SOX5: variants seen among roughly 807,000 people sequenced by gnomAD.
SOX5 encodes the protein transcription factor SOX-5.
SOX5 carries 9 observed loss-of-function variants against 92.0 expected under a neutral mutation model. The observed-to-expected ratio is 0.10, with a 90% CI of 0.06 to 0.17. The LOEUF (loss-of-function observed/expected upper bound fraction) is 0.17. Ranked by LOEUF, SOX5 falls within the 10% of genes least tolerant of loss-of-function variation. The pLI, the probability that SOX5 is intolerant of heterozygous loss-of-function variation, is 1.00. For synonymous variants in SOX5, 344 were observed against 336.3 expected (o/e 1.02, Z -0.25); for missense variants, 642 against 944.5 (o/e 0.68, Z 4.20).
chr12:24,192,854 T>C (rs1219261909), intron 4 of SOX5, among the ~76,000 whole-genome samples: 4 of 152,200 alleles, frequency 2.6e-5, no homozygotes, highest in Non-Finnish European at 5.9e-5. Context: ...GCAGGTATGT[T>C]TGAACCAGAG....
At chr12:24,204,515 G>A (rs1594236742) in intron 4 of SOX5, among the ~76,000 whole-genome samples, 1 of 151,974 alleles carries the variant, frequency 6.6e-6, no homozygotes, top group Non-Finnish European at 1.5e-5. Flanking sequence ...TTTTAGTAGA[G>A]ACAAGGTTTT....
At chr12:24,447,693 C>A (rs537667287) in intron 1 of SOX5, among the ~76,000 whole-genome samples, 14 of 152,264 alleles carry the variant, frequency 9.2e-5, no homozygotes, top group South Asian at 4.1e-4. Context: ...ATCTTCGCAA[C>A]TTTTCTATAA....
intron 6 of SOX5, among the ~76,000 whole-genome samples, chr12:23,697,962 C>T (rs1168614315): frequency 6.6e-6 from 1 of 152,112 alleles, no homozygotes; most frequent in Admixed American, 6.6e-5. Context: ...TCTCTTCACT[C>T]CTTTTTTGTA....
intron 1 of SOX5, among the ~76,000 whole-genome samples, chr12:24,502,419 A>G (rs1948301772): frequency 6.6e-6 from 1 of 152,260 alleles, no homozygotes; most frequent in African/African-American, 2.4e-5. Flanking sequence ...TAGACCATAA[A>G]CCATAACACA....
intron 3 of SOX5, among the ~76,000 whole-genome samples, chr12:24,249,736 A>T (rs1206183297): frequency 1.3e-5 from 2 of 152,216 alleles, no homozygotes; most frequent in African/African-American, 2.4e-5. Context: ...ACCTCACTGA[A>T]ATAAAACAGA....
intron 6 of SOX5, among the ~76,000 whole-genome samples, chr12:23,729,307 G>A (rs2093298774): frequency 6.6e-6 from 1 of 152,146 alleles, no homozygotes; most frequent in Non-Finnish European, 1.5e-5. Context: ...CAGATGTGAA[G>A]ATGCACAGAC....
chr12:23,824,619 G>A (rs966753270), intron 3 of SOX5, among the ~76,000 whole-genome samples: 3 of 152,048 alleles, frequency 2.0e-5, no homozygotes, highest in Admixed American at 1.3e-4. Context: ...GCAGTCTGCC[G>A]GGAGATCCAC....
At chr12:23,576,786 G>A (rs12369994) in intron 9 of SOX5, among the ~76,000 whole-genome samples, 51,906 of 151,684 alleles carry the variant, frequency 0.34, 9,204 homozygotes, top group East Asian at 0.41. Flanking sequence ...TTTTTAAATT[G>A]GAAATTGAAA....
At chr12:24,500,972 C>G (rs1233529247) in intron 1 of SOX5, among the ~76,000 whole-genome samples, 1 of 152,202 alleles carries the variant, frequency 6.6e-6, no homozygotes, top group Non-Finnish European at 1.5e-5. Context: ...TCCTCAGCAG[C>G]AACAGGATGT....
At chr12:24,357,187 T>C (rs1954941995) in intron 2 of SOX5, among the ~76,000 whole-genome samples, 1 of 152,166 alleles carries the variant, frequency 6.6e-6, no homozygotes, top group East Asian at 1.9e-4. Context: ...ATGACTTTCA[T>C]TGGGTTATTT....
intron 13 of SOX5, among the ~76,000 whole-genome samples, chr12:23,543,009 A>G (rs2136017455): frequency 6.6e-6 from 1 of 152,330 alleles, no homozygotes; most frequent in Middle Eastern, 3.4e-3. Context: ...AAACAGCTAC[A>G]TGAGCTATAG....
chr12:23,675,647 T>A (rs1027935317), intron 6 of SOX5, among the ~76,000 whole-genome samples: 2 of 152,166 alleles, frequency 1.3e-5, no homozygotes, highest in East Asian at 1.9e-4. Context: ...ATGATTTTTT[T>A]AATATCATAC....
intron 6 of SOX5, among the ~76,000 whole-genome samples, chr12:23,676,229 A>G (rs1196345297): frequency 2.0e-5 from 3 of 152,158 alleles, no homozygotes; most frequent in African/African-American, 7.2e-5. Context: ...TCTTAATACA[A>G]AAAAAAGTAA....
rs376249880 is a variant in SOX5 at position 24,341,458 on chromosome 12, C to T, written c.-174+27105G>A. On this transcript the variant is annotated intron_variant, in intron 2 of 4. Transcript: ENST00000446891. ...ACACCACTTCACTCCACCTGGGTGA[C>T]AGAACGAAACCGTCTCAAAAATTAA... Among the ~76,000 whole-genome samples the T allele has an allele frequency of 6.6e-5, 10 of 152,332 alleles. No individual in the cohort carries two copies. The East Asian group carries it at 1.9e-3, about 29-fold the overall frequency.
At chr12:24,525,979 T>C (rs1430960836) in intron 1 of SOX5, among the ~76,000 whole-genome samples, 1 of 151,976 alleles carries the variant, frequency 6.6e-6, no homozygotes, top group Non-Finnish European at 1.5e-5. Flanking sequence ...CAAGTGATCC[T>C]CCCACCTCAG....
At chr12:24,059,795 C>G (rs1939317316) in intron 4 of SOX5, among the ~76,000 whole-genome samples, 1 of 152,134 alleles carries the variant, frequency 6.6e-6, no homozygotes, top group Non-Finnish European at 1.5e-5. Flanking sequence ...AAATGAAACC[C>G]AAACATATTT....
At chr12:24,457,338 T>TA (rs1283139416) in intron 1 of SOX5, among the ~76,000 whole-genome samples, 1 of 152,196 alleles carries the variant, frequency 6.6e-6, no homozygotes, top group African/African-American at 2.4e-5. Context: ...CTGTTTTTTT[T>TA]AAAATATATA....
intron 4 of SOX5, among the ~76,000 whole-genome samples, chr12:24,049,601 G>A (rs1438266699): frequency 7.1e-6 from 1 of 141,706 alleles, no homozygotes; most frequent in Non-Finnish European, 1.5e-5. Flanking sequence ...GTAATAATCA[G>A]ATATCTCATA....
chr12:23,635,904 TG>T (rs1385521152), intron 8 of SOX5, among the ~76,000 whole-genome samples: 1 of 152,038 alleles, frequency 6.6e-6, no homozygotes, highest in Admixed American at 6.6e-5. Context: ...AATAAATTTA[TG>T]GGGAAGAGGG....
Sources: allele counts gnomAD v4.1 joint callset (sites outside exome capture counted in the v4.1 genomes callset), GRCh38; gene constraint gnomAD v4.1.1; transcripts MANE v1.5; gene names NCBI Gene and HGNC (gene_info 2026-07-23, HGNC 2026-07-21).